Variants in DHRS7B observed in about 807,000 individuals in gnomAD.
DHRS7B encodes the protein dehydrogenase/reductase 7B.
DHRS7B carries 24 observed loss-of-function variants against 26.4 expected under a neutral mutation model. That is an observed-to-expected ratio of 0.91 (90% confidence interval 0.66 to 1.28). DHRS7B has a LOEUF of 1.28. DHRS7B is among the 50% of genes most tolerant of loss of function. The probability of loss-of-function intolerance (pLI) is 0.00; values close to 1 mark genes in which losing one functional copy is unlikely to be tolerated. For synonymous variants in DHRS7B, 142 were observed against 166.4 expected (o/e 0.85, Z 1.13); for missense variants, 368 against 419.4 (o/e 0.88, Z 1.07).
chr17:21,139,411 C>G (rs1973438974), intron 1 of DHRS7B, among the ~76,000 whole-genome samples: 1 of 152,156 alleles, frequency 6.6e-6, no homozygotes, highest in Non-Finnish European at 1.5e-5. Flanking sequence ...CATGGTGGCT[C>G]ACGCCTGTAA....
intron 1 of DHRS7B, among the ~76,000 whole-genome samples, chr17:21,169,922 C>T (rs547282684): frequency 6.6e-6 from 1 of 152,166 alleles, no homozygotes; most frequent in South Asian, 2.1e-4. Context: ...CTGGGCCATT[C>T]TGGACAAGGC....
At chr17:21,184,348 T>G (rs1214714537) in intron 4 of DHRS7B, 23 bp from the exon 5 acceptor site, 1 of 1,600,966 alleles carries the variant, frequency 6.2e-7, no homozygotes, top group South Asian at 1.1e-5. Flanking sequence ...GGCGCTTGCC[T>G]AAGCCTCTGC....
intron 5 of DHRS7B, among the ~76,000 whole-genome samples, chr17:21,187,604 C>T (rs1443991364): frequency 6.8e-5 from 10 of 146,300 alleles, no homozygotes; most frequent in African/African-American, 1.0e-4. Flanking sequence ...CCAGCACTCC[C>T]GCCTGGGTGG....
chr17:21,166,434 G>A (rs982658445), intron 1 of DHRS7B: 7 of 985,044 alleles, frequency 7.1e-6, no homozygotes, highest in South Asian at 4.7e-5. Flanking sequence ...AGACACTGGC[G>A]CCAGGAACCG....
intron 1 of DHRS7B, chr17:21,127,513 T>G (rs1194004085): frequency 6.5e-6 from 1 of 154,182 alleles, no homozygotes. Context: ...GAATGGCTGG[T>G]TGAGATATCT....
At chr17:21,128,430 G>C (rs1190430679) in intron 1 of DHRS7B, 1 of 152,412 alleles carries the variant, frequency 6.6e-6, no homozygotes, top group East Asian at 1.9e-4. Context: ...GGGCGCGGTG[G>C]CTCACGCCTG....
intron 1 of DHRS7B, among the ~76,000 whole-genome samples, chr17:21,167,039 A>C (rs771734782): frequency 2.4e-4 from 37 of 152,068 alleles, no homozygotes; most frequent in Non-Finnish European, 3.7e-4. Context: ...GAGAGAAAGG[A>C]ATCTTAGGAA....
intron 1 of DHRS7B, among the ~76,000 whole-genome samples, chr17:21,138,380 T>C (rs1449362150): frequency 1.3e-5 from 2 of 151,090 alleles, no homozygotes; most frequent in Non-Finnish European, 3.0e-5. Context: ...GCCACCACCA[T>C]GCCCCACTAA....
chr17:21,164,383 C>T (rs998126387), intron 1 of DHRS7B, among the ~76,000 whole-genome samples: 1 of 152,158 alleles, frequency 6.6e-6, no homozygotes, highest in Non-Finnish European at 1.5e-5. Context: ...CTCTTAGATA[C>T]TCTAGTTGAC....
intron 1 of DHRS7B, among the ~76,000 whole-genome samples, chr17:21,160,286 G>A (rs1423533186): frequency 1.3e-5 from 2 of 152,152 alleles, no homozygotes; most frequent in African/African-American, 4.8e-5. Flanking sequence ...GAACCCAGGA[G>A]GCGGAGGTTG....
At chr17:21,153,540 A>G (rs116040550) in intron 1 of DHRS7B, among the ~76,000 whole-genome samples, 1,932 of 152,320 alleles carry the variant, frequency 0.013, 38 homozygotes, top group African/African-American at 0.043. Flanking sequence ...AGAACAAGGA[A>G]GTTCAGAGAA....
intron 1 of DHRS7B, among the ~76,000 whole-genome samples, chr17:21,166,999 G>A (rs999187): frequency 0.47 from 70,582 of 151,514 alleles, 16,720 homozygotes; most frequent in Non-Finnish European, 0.52. Flanking sequence ...ACCTATTTTT[G>A]TTAACAGTTC....
chr17:21,141,749 A>G (rs1435903507), intron 1 of DHRS7B, among the ~76,000 whole-genome samples: 2 of 151,892 alleles, frequency 1.3e-5, no homozygotes, highest in East Asian at 3.8e-4. Context: ...AAAAAAAAAA[A>G]GAGGAGTTAT....
intron 1 of DHRS7B, among the ~76,000 whole-genome samples, chr17:21,154,539 G>A (rs1443495073): frequency 1.3e-5 from 2 of 152,136 alleles, no homozygotes; most frequent in African/African-American, 4.8e-5. Flanking sequence ...TGCAAGAAAT[G>A]TAAAAAGTTT....
intron 1 of DHRS7B, among the ~76,000 whole-genome samples, chr17:21,148,415 A>G (rs1411680594): frequency 1.3e-5 from 2 of 152,112 alleles, no homozygotes; most frequent in Non-Finnish European, 2.9e-5. Context: ...AGCAGAATGG[A>G]TCAAGCAGAG....
intron 1 of DHRS7B, 98 bp from the exon 2 acceptor site, chr17:21,171,920 G>A (rs761174587): frequency 6.3e-5 from 91 of 1,446,058 alleles, no homozygotes; most frequent in Non-Finnish European, 8.6e-5. Context: ...GTCCACAGAG[G>A]GAGATCTGGG....
intron 1 of DHRS7B, among the ~76,000 whole-genome samples, chr17:21,151,772 G>A (rs1033888158): frequency 3.9e-5 from 6 of 152,304 alleles, no homozygotes; most frequent in Admixed American, 3.9e-4. Context: ...AAGTCTGAGA[G>A]TGATTTAGTT....
At chr17:21,190,031 G>C (rs1259742357) in intron 6 of DHRS7B, among the ~76,000 whole-genome samples, 1 of 152,146 alleles carries the variant, frequency 6.6e-6, no homozygotes, top group African/African-American at 2.4e-5. Flanking sequence ...AGCCAACCAT[G>C]GTGGCACCAC....
rs141865691 is a variant in DHRS7B at position 21,160,249 on chromosome 17, C to T, written c.21-11769C>T. Among the ~76,000 whole-genome samples the T allele has an allele frequency of 4.0e-3, 610 of 151,842 alleles. 24 individuals carry two copies. The East Asian group carries it at 0.099, about 25-fold the overall frequency. On this transcript the variant is annotated intron_variant, in intron 1 of 6. Coordinates refer to ENST00000395511, the MANE Select transcript of DHRS7B (RefSeq NM_015510.5). ...GTGTGGGCCTGTAATCCCAGCTACTCGGAAGGCTGAGGCAGGAGAATCGCT... is the reference window on the plus strand; with the variant it reads ...GTGTGGGCCTGTAATCCCAGCTACTTGGAAGGCTGAGGCAGGAGAATCGCT...
Sources: gnomAD v4.1 joint callset for allele counts (sites outside exome capture counted in the v4.1 genomes callset) on GRCh38, gnomAD v4.1.1 for gene constraint, MANE v1.5 for transcripts, NCBI Gene and HGNC (gene_info 2026-07-23, HGNC 2026-07-21) for gene names.